Variants in LRRTM4 observed in about 807,000 individuals in gnomAD.
LRRTM4 encodes the protein leucine rich repeat transmembrane neuronal 4.
In LRRTM4, 25 loss-of-function variants were observed where a neutral mutation model predicts 47.6. That is an observed-to-expected ratio of 0.53 (90% confidence interval 0.38 to 0.73). The LOEUF (loss-of-function observed/expected upper bound fraction) is 0.73, where lower values mean the gene tolerates loss of function less well. Among genes scored for constraint, LRRTM4 ranks in the 30% least tolerant of loss-of-function variants. LRRTM4 has a pLI of 0.00. For synonymous variants in LRRTM4, 311 were observed against 269.5 expected (o/e 1.15, Z -1.51); for missense variants, 638 against 713.4 (o/e 0.89, Z 1.20).
At position 77,519,573 on chromosome 2, in the gene LRRTM4, G is replaced by A. The variant is rs1380305662; in HGVS notation, c.296C>T (p.Ser99Leu). 1.2e-6 allele frequency: 2 copies of A among 1,613,446 alleles called. No individual in the cohort carries two copies. The highest frequency in any genetic ancestry group is 1.1e-5 in the South Asian group (1 of 91,072). ...CCCTTGAAATGCATCTTCATCCACT[G>A]AGCTAATGTAATTATGGTCAAGATA... is the stretch of plus-strand genomic sequence containing the variant. ...WLYLDHNYISSVDEDAFQGIR... is the reference protein window; with the variant it reads ...WLYLDHNYISLVDEDAFQGIR... The change falls in exon 3 of 4, where the codon TCA (serine) becomes TTA (leucine). Residue 99 changes from serine (S) to leucine (L), a missense_variant. Ser to Leu is a moderately radical substitution (Grantham distance 145). Transcript: ENST00000409884. This position sits in a 1 kb window ranked among gnomAD's most constrained non-coding sequence, Gnocchi z 4.6.
chr2:76,941,174 A>T (rs1675129930), intron 3 of LRRTM4, among the ~76,000 whole-genome samples: 1 of 152,192 alleles, frequency 6.6e-6, no homozygotes, highest in Non-Finnish European at 1.5e-5. Flanking sequence ...CAAAAAACAA[A>T]AACAAAAAGG....
At chr2:76,978,398 T>C (rs997963411) in intron 3 of LRRTM4, among the ~76,000 whole-genome samples, 1 of 152,114 alleles carries the variant, frequency 6.6e-6, no homozygotes, top group African/African-American at 2.4e-5. Context: ...TGAATGGTAA[T>C]GGCTGTAGTC....
chr2:77,330,284 C>T (rs573832682), intron 3 of LRRTM4, among the ~76,000 whole-genome samples: 244 of 152,186 alleles, frequency 1.6e-3, no homozygotes, highest in Non-Finnish European at 2.9e-3. Flanking sequence ...TTGTTGGCTT[C>T]CCTAATCTTC....
chr2:77,074,506 G>A (rs1181547604), intron 3 of LRRTM4, among the ~76,000 whole-genome samples: 4 of 151,882 alleles, frequency 2.6e-5, no homozygotes, highest in East Asian at 3.9e-4. Flanking sequence ...CAACACCCCT[G>A]TTATTAAGCT....
At chr2:76,966,349 G>A (rs1676023423) in intron 3 of LRRTM4, among the ~76,000 whole-genome samples, 1 of 151,302 alleles carries the variant, frequency 6.6e-6, no homozygotes, top group East Asian at 2.0e-4. Flanking sequence ...AGAAAGAAAA[G>A]AGAGACAGCA....
chr2:77,042,126 A>G (rs982068176), intron 3 of LRRTM4, among the ~76,000 whole-genome samples: 2 of 151,586 alleles, frequency 1.3e-5, no homozygotes, highest in Admixed American at 1.3e-4. Context: ...CTATGGTTTT[A>G]GATAATAGTA....
At position 77,398,052 on chromosome 2, in the gene LRRTM4, C is replaced by G. The variant is rs116652128; in HGVS notation, c.1551+120266G>C. 4.8e-3 allele frequency among the ~76,000 whole-genome samples: 722 copies of G among 151,966 alleles called. 7 individuals are homozygous for G. Among genetic ancestry groups the G allele is most frequent in the African/African-American group, 0.017 (687 of 41,518 alleles). ...GTTAGGCTTTAAGAAAGCCAGCTGA[C>G]TAGCCTGACCCAAAAGAACCTCCCA... On this transcript the variant is annotated intron_variant, in intron 3 of 3. Coordinates refer to ENST00000409884, the MANE Select transcript of LRRTM4 (RefSeq NM_001134745.3).
At chr2:77,072,539 T>G (rs532948760) in intron 3 of LRRTM4, among the ~76,000 whole-genome samples, 1 of 152,204 alleles carries the variant, frequency 6.6e-6, no homozygotes, top group African/African-American at 2.4e-5. Context: ...GGCTCATGCC[T>G]GTAATCCCAG....
intron 3 of LRRTM4, among the ~76,000 whole-genome samples, chr2:76,824,168 G>C (rs1671129027): frequency 6.6e-6 from 1 of 151,526 alleles, no homozygotes; most frequent in Non-Finnish European, 1.5e-5. Context: ...TTGTCTGGTA[G>C]AGGTTCAATA....
At chr2:76,934,080 G>A (rs1465518425) in intron 3 of LRRTM4, among the ~76,000 whole-genome samples, 1 of 152,058 alleles carries the variant, frequency 6.6e-6, no homozygotes, top group African/African-American at 2.4e-5. Flanking sequence ...AGCTCTCAAA[G>A]CAGGACTCTG....
At chr2:76,779,058 T>A (rs1162624731) in intron 3 of LRRTM4, among the ~76,000 whole-genome samples, 1 of 141,674 alleles carries the variant, frequency 7.1e-6, no homozygotes, top group Non-Finnish European at 1.5e-5. Context: ...AGTTTCCATG[T>A]AGTTGAGTGG....
chr2:77,454,574 G>A (rs1676443446), intron 3 of LRRTM4, among the ~76,000 whole-genome samples: 1 of 152,052 alleles, frequency 6.6e-6, no homozygotes. Flanking sequence ...ATCCCCACTG[G>A]CTGCCGTGTA....
chr2:77,149,795 T>A, intron 3 of LRRTM4, among the ~76,000 whole-genome samples: 1 of 152,130 alleles, frequency 6.6e-6, no homozygotes, highest in East Asian at 1.9e-4. Context: ...CCTGTCAGCA[T>A]CTCACACCTC....
At chr2:76,878,763 A>G (rs546027308) in intron 3 of LRRTM4, among the ~76,000 whole-genome samples, 2 of 152,092 alleles carry the variant, frequency 1.3e-5, no homozygotes, top group Admixed American at 6.5e-5. Flanking sequence ...AATCCCAGCT[A>G]CTTGGGAGGC....
intron 3 of LRRTM4, among the ~76,000 whole-genome samples, chr2:76,807,445 CATATATATATATACATAT>C (rs1670541691): frequency 1.4e-5 from 1 of 69,308 alleles, no homozygotes; most frequent in Non-Finnish European, 2.4e-5. Context: ...TACGTATATA[CATATATATATATACATAT>C]ATATATACAT....
intron 3 of LRRTM4, among the ~76,000 whole-genome samples, chr2:77,386,508 C>A (rs944796245): frequency 3.9e-5 from 6 of 152,086 alleles, no homozygotes; most frequent in African/African-American, 1.4e-4. Flanking sequence ...TTTCTTTATC[C>A]AGAAAATAGG....
chr2:77,049,103 CTAAA>C (rs1453189766), intron 3 of LRRTM4, among the ~76,000 whole-genome samples: 9 of 112,606 alleles, frequency 8.0e-5, no homozygotes, highest in South Asian at 2.8e-4. Flanking sequence ...TTTTTTTTGA[CTAAA>C]TAATATTTCA....
At chr2:77,097,273 A>G (rs942937058) in intron 3 of LRRTM4, among the ~76,000 whole-genome samples, 1 of 151,974 alleles carries the variant, frequency 6.6e-6, no homozygotes, top group Admixed American at 6.6e-5. Flanking sequence ...CTACTGACCC[A>G]TCCCCCATTA....
chr2:77,391,354 G>A (rs925523715), intron 3 of LRRTM4, among the ~76,000 whole-genome samples: 2 of 151,922 alleles, frequency 1.3e-5, no homozygotes, highest in Non-Finnish European at 2.9e-5. Context: ...TGGGTGAGCA[G>A]GACAAGGTGC....
Sources: allele counts gnomAD v4.1 joint callset (sites outside exome capture counted in the v4.1 genomes callset), GRCh38; gene constraint gnomAD v4.1.1; non-coding constraint Gnocchi (gnomAD v3.1); transcripts MANE v1.5; gene names NCBI Gene and HGNC (gene_info 2026-07-23, HGNC 2026-07-21).